GANAB: variants seen among roughly 807,000 people sequenced by gnomAD.
GANAB encodes the protein glucosidase II alpha subunit.
GANAB carries 35 observed loss-of-function variants against 129.9 expected under a neutral mutation model. That is an observed-to-expected ratio of 0.27 (90% confidence interval 0.21 to 0.36). The LOEUF (loss-of-function observed/expected upper bound fraction) is 0.36, where lower values mean the gene tolerates loss of function less well. Ranked by LOEUF, GANAB falls within the 10% of genes least tolerant of loss-of-function variation. The probability of loss-of-function intolerance (pLI) is 1.00; values close to 1 mark genes in which losing one functional copy is unlikely to be tolerated. For missense variants in GANAB, 939 were observed against 1,221.0 expected (o/e 0.77, Z 3.44); for synonymous variants, 482 against 451.8 (o/e 1.07, Z -0.85).
rs767959015 is a variant in GANAB at position 62,632,759 on chromosome 11, G to A, written c.816-14C>T. ...GGCTCCCCACCCCTGCAGGCAAACA[G>A]ACAGACTTGGGCTGCTAACTGGCCC... On this transcript the variant is annotated splice_polypyrimidine_tract_variant and intron_variant, in intron 8 of 23. Transcript: ENST00000356638. 1 of 1,608,496 alleles carries A rather than the reference G, an allele frequency of 6.2e-7. No individual in the cohort carries two copies. The highest frequency in any genetic ancestry group is 1.3e-5 in the African/African-American group (1 of 74,926).
chr11:62,634,969 C>A lies in GANAB; in HGVS notation c.412G>T (p.Val138Leu). 6.2e-7 allele frequency: 1 copy of A among 1,613,730 alleles called. No homozygotes were observed. Among genetic ancestry groups the A allele is most frequent in the Non-Finnish European group, 8.5e-7 (1 of 1,179,670 alleles). The change falls in exon 5 of 24, where the codon GTG (valine) becomes TTG (leucine). Residue 138 changes from valine to leucine, a missense_variant. Val to Leu is a conservative substitution (Grantham distance 32). Transcript: ENST00000356638. Reference protein sequence around the residue: ...LSVSGRDENSVELTMAEGPYK... With the variant: ...LSVSGRDENSLELTMAEGPYK... ...GGTCCCTCAGCCATGGTTAACTCCA[C>A]ACTGTTCTCATCACGACCAGAGACA... is the stretch of plus-strand genomic sequence containing the variant.
chr11:62,640,832 CA>C (rs36113826), intron 1 of GANAB, among the ~76,000 whole-genome samples: 3,271 of 74,710 alleles, frequency 0.044, 142 homozygotes, highest in African/African-American at 0.15. Flanking sequence ...AACTCCCTCT[CA>C]AAAAAAAAAA....
Position 62,625,391 on chromosome 11 carries a change from A to AG in GANAB, c.*423dup. On this transcript the variant is annotated 3_prime_UTR_variant, in exon 24 of 24. Transcript: ENST00000356638. ...TGGGAGAGCAATCTGGTGGGAGGGA[A>AG]GGGGAAAAGGAGCCCTAACTCATTG... The AG allele has an allele frequency of 2.3e-6, 1 of 426,248 alleles. No individual in the cohort carries two copies. The highest frequency in any genetic ancestry group is 2.7e-5 in the Admixed American group (1 of 37,326). 26.4% of individuals were successfully genotyped at this position (426,248 alleles called of 1,614,324 possible).
At chr11:62,644,264 C>T (rs1257968018) in intron 1 of GANAB, among the ~76,000 whole-genome samples, 1 of 152,050 alleles carries the variant, frequency 6.6e-6, no homozygotes, top group African/African-American at 2.4e-5. Context: ...TTTAAACATG[C>T]TCTCCCAGTG....
chr11:62,626,785 C>T (rs1943403215), intron 20 of GANAB, 75 bp downstream of exon 20: 2 of 1,339,844 alleles, frequency 1.5e-6, no homozygotes, highest in Non-Finnish European at 2.1e-6. Context: ...GGTACTGGAC[C>T]CTAAGGCACA....
At chr11:62,628,252 T>C (rs1267282653) in intron 17 of GANAB, among the ~76,000 whole-genome samples, 1 of 78,210 alleles carries the variant, frequency 1.3e-5, no homozygotes, top group Non-Finnish European at 2.5e-5. Flanking sequence ...AGTCTCCCTC[T>C]GTCACCCAGG....
chr11:62,644,955 A>C (rs2134562983), intron 1 of GANAB, among the ~76,000 whole-genome samples: 1 of 152,306 alleles, frequency 6.6e-6, no homozygotes, highest in South Asian at 2.1e-4. Context: ...GAAAGCTAAA[A>C]GAAAATTACC....
At chr11:62,627,696 C>T (rs749366559) in intron 17 of GANAB, among the ~76,000 whole-genome samples, 2 of 151,890 alleles carry the variant, frequency 1.3e-5, no homozygotes, top group African/African-American at 2.4e-5. Flanking sequence ...ATCACACCAT[C>T]GCACTCCAGC....
In GANAB at chr11:62,632,740, C is replaced by A; in HGVS notation, c.821G>T (p.Gly274Val). Reference sequence around the variant, plus strand: ...CAAATTGTAGAGGCGATATGGCTCCCCACCCCTGCAGGCAAACAGACAGAC... The same window carrying A: ...CAAATTGTAGAGGCGATATGGCTCCACACCCCTGCAGGCAAACAGACAGAC... ...DNLRLKVTEG[G>V]EPYRLYNLDV... The change falls in exon 9 of 24, where the codon GGG (glycine) becomes GTG (valine). Residue 274 changes from glycine (G) to valine (V), a missense_variant. Coordinates refer to ENST00000356638, the MANE Select transcript of GANAB (RefSeq NM_198334.3). 6.2e-7 allele frequency: 1 copy of A among 1,612,824 alleles called. No individual in the cohort carries two copies. Among genetic ancestry groups the A allele is most frequent in the Non-Finnish European group, 8.5e-7 (1 of 1,179,186 alleles).
At chr11:62,635,025 T>C (rs1943881403) in intron 4 of GANAB, 25 bp from the exon 5 acceptor site, 2 of 1,581,924 alleles carry the variant, frequency 1.3e-6, no homozygotes, top group African/African-American at 1.4e-5. Flanking sequence ...AAAAGAAATA[T>C]AAGGAAGTAC....
intron 4 of GANAB, among the ~76,000 whole-genome samples, chr11:62,635,909 C>T (rs1188510560): frequency 6.6e-6 from 1 of 151,654 alleles, no homozygotes; most frequent in Non-Finnish European, 1.5e-5. Context: ...GGATTACAGG[C>T]ATGAGCTACC....
intron 20 of GANAB, 73 bp from the exon 21 acceptor site, chr11:62,626,757 C>T (rs1248483998): frequency 7.6e-7 from 1 of 1,309,412 alleles, no homozygotes; most frequent in African/African-American, 1.5e-5. Flanking sequence ...GTTTTGCTTA[C>T]TCATGTATGC....
chr11:62,637,259 G>A (rs960695661), intron 4 of GANAB, among the ~76,000 whole-genome samples: 2 of 152,102 alleles, frequency 1.3e-5, no homozygotes, highest in African/African-American at 2.4e-5. Context: ...AATTCACTAG[G>A]TATCACAAAT....
At position 62,629,578 on chromosome 11, in the gene GANAB, T is replaced by C. The variant is rs1943562603; in HGVS notation, c.1834+10A>G. On this transcript the variant is annotated intron_variant, in intron 15 of 23. Transcript: ENST00000356638. The stretch of plus-strand genomic sequence containing the variant: ...ACCCTTCTGCCACAGCTCCATTCTC[T>C]AAACCTTACCAAAGCGCTGGGAGCC... 1.0e-5 allele frequency: 16 copies of C among 1,583,316 alleles called. No individual in the cohort carries two copies. The highest frequency in any genetic ancestry group is 1.4e-5 in the Non-Finnish European group (16 of 1,161,068).
At position 62,630,256 on chromosome 11, in the gene GANAB, A is replaced by G; in HGVS notation, c.1534T>C (p.Phe512Leu). 6.2e-7 allele frequency: 1 copy of G among 1,613,772 alleles called. No homozygotes were observed. Among genetic ancestry groups the G allele is most frequent in the East Asian group, 2.2e-5 (1 of 44,866 alleles). Reference sequence around the variant, plus strand: ...CAGGCCCTCATCGTGGGATTAGTGAAGTCAGGGTAACCAGCTGAGCCTGGG... The same window carrying G: ...CAGGCCCTCATCGTGGGATTAGTGAGGTCAGGGTAACCAGCTGAGCCTGGG... ...CWPGSAGYPD[F>L]TNPTMRAWWA... is the part of the protein sequence containing the mutation. The change falls in exon 13 of 24, where the codon TTC becomes CTC. Residue 512 changes from phenylalanine to leucine, a missense_variant. Around this residue, in one of 5 missense-constraint regions of GANAB, gnomAD observed 220 missense variants for 295.9 expected, o/e 0.74. Coordinates refer to ENST00000356638, the MANE Select transcript of GANAB (RefSeq NM_198334.3).
intron 5 of GANAB, 50 bp from the exon 6 acceptor site, chr11:62,633,564 G>A (rs747670850): frequency 3.3e-6 from 5 of 1,512,624 alleles, no homozygotes; most frequent in Non-Finnish European, 4.6e-6. Context: ...GCAGGGACGA[G>A]GGGCTAGTGG....
At chr11:62,635,285 A>G (rs954078923) in intron 4 of GANAB, among the ~76,000 whole-genome samples, 3 of 152,084 alleles carry the variant, frequency 2.0e-5, no homozygotes, top group African/African-American at 7.2e-5. Flanking sequence ...CCCAGGTTCA[A>G]GCAATTCTCC....
chr11:62,642,826 C>T (rs1302927882), intron 1 of GANAB, among the ~76,000 whole-genome samples: 1 of 152,118 alleles, frequency 6.6e-6, no homozygotes, highest in Non-Finnish European at 1.5e-5. Context: ...CCCTTTCTTC[C>T]ATTGTTTTCT....
In GANAB at chr11:62,630,255, A is replaced by C; in HGVS notation, c.1535T>G (p.Phe512Cys). Residue 512 changes from phenylalanine (F) to cysteine (C), a missense_variant, in exon 13 of 24, where the codon TTC becomes TGC. By Grantham distance (205) the Phe-to-Cys change is radical. This residue lies in a region of GANAB where 220 missense variants were observed against 295.9 expected (regional missense o/e 0.74). Coordinates refer to ENST00000356638, the MANE Select transcript of GANAB (RefSeq NM_198334.3). ...CCAGGCCCTCATCGTGGGATTAGTG[A>C]AGTCAGGGTAACCAGCTGAGCCTGG... is the stretch of plus-strand genomic sequence containing the variant. ...CWPGSAGYPD[F>C]TNPTMRAWWA... 1 of 1,613,742 alleles carries C rather than the reference A, an allele frequency of 6.2e-7. No individual in the cohort carries two copies. Among genetic ancestry groups the C allele is most frequent in the South Asian group, 1.1e-5 (1 of 91,008 alleles).
Sources: gnomAD v4.1 joint callset for allele counts (sites outside exome capture counted in the v4.1 genomes callset) on GRCh38, gnomAD v4.1.1 for gene constraint, gnomAD v4.1.1 regional missense constraint, MANE v1.5 for transcripts, NCBI Gene and HGNC (gene_info 2026-07-23, HGNC 2026-07-21) for gene names.